Variants in MTAP observed in about 807,000 individuals in gnomAD.
The protein encoded by MTAP is methylthioadenosine phosphorylase, also known as S-methyl-5'-thioadenosine phosphorylase.
Under a neutral mutation model 33.6 loss-of-function variants are expected in MTAP, and 33 were observed. That is an observed-to-expected ratio of 0.98 (90% CI 0.74 to 1.31). MTAP has a LOEUF of 1.31. MTAP is among the 40% of genes most tolerant of loss of function. The pLI is 0.00. For missense variants in MTAP, 367 were observed against 360.0 expected, an observed-to-expected ratio of 1.02 and a Z score of -0.16; for synonymous variants, 148 against 125.7, an observed-to-expected ratio of 1.18 and a Z score of -1.19.
intron 1 of MTAP, among the ~76,000 whole-genome samples, chr9:21,897,480 C>T (rs1818315717): frequency 6.6e-6 from 1 of 152,184 alleles, no homozygotes; most frequent in Non-Finnish European, 1.5e-5. Context: ...ATTTAGAAAA[C>T]CCCATTGTCT....
chr9:21,918,168 G>T (rs1046142222), intron 1 of MTAP, among the ~76,000 whole-genome samples: 1 of 131,858 alleles, frequency 7.6e-6, no homozygotes, highest in South Asian at 2.3e-4. Flanking sequence ...GGCTAAAACG[G>T]TGAAACCCCG....
At chr9:21,925,607 C>T (rs951563350) in intron 1 of MTAP, among the ~76,000 whole-genome samples, 8 of 152,156 alleles carry the variant, frequency 5.3e-5, no homozygotes, top group Non-Finnish European at 8.8e-5. Context: ...GACAAACTGC[C>T]GCAGTGGGAC....
intron 1 of MTAP, among the ~76,000 whole-genome samples, chr9:21,924,234 C>CT (rs1209627454): frequency 6.6e-6 from 1 of 152,062 alleles, no homozygotes; most frequent in Non-Finnish European, 1.5e-5. Flanking sequence ...CTTCTTTTTC[C>CT]TTTTTTTCTC....
chr9:21,883,818 A>C (rs1818057516), intron 1 of MTAP, among the ~76,000 whole-genome samples: 1 of 151,922 alleles, frequency 6.6e-6, no homozygotes, highest in African/African-American at 2.4e-5. Flanking sequence ...TGCAATAGGA[A>C]GCTGGGGATG....
chr9:21,907,568 CA>C (rs1027845288), intron 1 of MTAP, among the ~76,000 whole-genome samples: 7 of 151,612 alleles, frequency 4.6e-5, no homozygotes, highest in Admixed American at 1.3e-4. Context: ...AAAACAACAA[CA>C]AAAAAAATTA....
At chr9:21,803,023 CACACACACACA>C (rs2117853027) in intron 1 of MTAP, 15 of 1,060,560 alleles carry the variant, frequency 1.4e-5, no homozygotes, top group Non-Finnish European at 1.9e-5. Flanking sequence ...CACACACACA[CACACACACACA>C]CACCACCTTT....
chr9:21,939,705 AAAT>A (rs61336285), downstream of MTAP, among the ~76,000 whole-genome samples: 2 of 150,658 alleles, frequency 1.3e-5, no homozygotes, highest in African/African-American at 2.5e-5. Flanking sequence ...CTCTATGAAA[AAAT>A]AATAATAATA....
chr9:21,813,538 G>T (rs1587200152), intron 1 of MTAP, among the ~76,000 whole-genome samples: 1 of 152,162 alleles, frequency 6.6e-6, no homozygotes, highest in Non-Finnish European at 1.5e-5. Flanking sequence ...CTACAATGCT[G>T]GGCAAGTTCA....
At chr9:21,840,475 G>A (rs1587235149) in intron 5 of MTAP, among the ~76,000 whole-genome samples, 1 of 152,338 alleles carries the variant, frequency 6.6e-6, no homozygotes, top group East Asian at 1.9e-4. Context: ...CCCCACTGGG[G>A]AAATCTAAAA....
chr9:21,930,817 T>A (rs1587305866), intron 1 of MTAP: 1 of 695,950 alleles, frequency 1.4e-6, no homozygotes, highest in Admixed American at 2.4e-5. Flanking sequence ...ATCAGACAAC[T>A]CCTAAATCGA....
chr9:21,848,009 C>T (rs1825423266), intron 5 of MTAP, among the ~76,000 whole-genome samples: 1 of 152,124 alleles, frequency 6.6e-6, no homozygotes, highest in African/African-American at 2.4e-5. Context: ...TCTGATGAAC[C>T]TTATTTACCA....
At position 21,815,490 on chromosome 9, in the gene MTAP, G is replaced by A. The variant is rs1237794575; in HGVS notation, c.91G>A (p.Glu31Lys). The A allele has an allele frequency of 3.7e-6, 6 of 1,610,390 alleles. No individual in the cohort carries two copies. In the Admixed American group the frequency reaches 5.0e-5, roughly 13 times the overall value. The change falls in exon 2 of 8, where the codon GAA becomes AAA. Residue 31 changes from glutamate (E) to lysine (K), a missense_variant. Physicochemically the swap from Glu to Lys is moderately conservative, Grantham distance 56. Transcript: ENST00000644715. ...DDPEILEGRT[E>K]KYVDTPFGKP... ...TCCAGAAATTTTAGAAGGAAGAACTGAAAAATATGTGGATACTCCATTTGG... is the reference window on the plus strand; with the variant it reads ...TCCAGAAATTTTAGAAGGAAGAACTAAAAAATATGTGGATACTCCATTTGG...
rs1587258993 is a variant in MTAP at position 21,863,403 on chromosome 9, C to T, written c.*1389C>T. 3.9e-6 allele frequency: 3 copies of T among 764,196 alleles called. No individual in the cohort carries two copies. The highest frequency in any genetic ancestry group is 1.9e-5 in the African/African-American group (1 of 52,758). 47.3% of individuals were successfully genotyped at this position (764,196 alleles called of 1,614,324 possible). A position where few individuals can be genotyped will look rare whatever the true frequency, so the allele number is the denominator to read the frequency against. ...CGGGTGGATCACAAGGTCAGGAGATCGAGACCATCCTGGCTAATGCGTTGA... is the reference window on the plus strand; with the variant it reads ...CGGGTGGATCACAAGGTCAGGAGATTGAGACCATCCTGGCTAATGCGTTGA... On this transcript the variant is annotated 3_prime_UTR_variant, in exon 8 of 8. Transcript: ENST00000644715.
At chr9:21,899,400 AGAAGGGGAAGGG>A (rs376794251) in intron 1 of MTAP, among the ~76,000 whole-genome samples, 1 of 143,698 alleles carries the variant, frequency 7.0e-6, no homozygotes, top group Non-Finnish European at 1.5e-5. Flanking sequence ...GGAAGGAAGG[AGAAGGGGAAGGG>A]GAAGGGGAAG....
intron 4 of MTAP, among the ~76,000 whole-genome samples, chr9:21,822,778 G>A (rs1162777519): frequency 2.0e-5 from 3 of 152,122 alleles, no homozygotes; most frequent in African/African-American, 4.8e-5. Flanking sequence ...TCTCTTTGTA[G>A]ATCTCTAAGG....
intron 4 of MTAP, 114 bp downstream of exon 4, chr9:21,818,316 GCT>G: frequency 1.0e-4 from 24 of 235,086 alleles, no homozygotes; most frequent in East Asian, 3.0e-4. Context: ...AGACTCGCTT[GCT>G]TTTTTTTTTT....
chr9:21,847,488 A>T (rs1299677453), intron 5 of MTAP, among the ~76,000 whole-genome samples: 1 of 152,190 alleles, frequency 6.6e-6, no homozygotes, highest in East Asian at 1.9e-4. Flanking sequence ...CCTTGACTTG[A>T]ACTGTTTAGA....
chr9:21,865,743 C>A lies in MTAP; in HGVS notation c.*3729C>A. 1 of 1,039,984 alleles carries A rather than the reference C, an allele frequency of 9.6e-7. No individual in the cohort carries two copies. Among genetic ancestry groups the A allele is most frequent in the Non-Finnish European group, 1.2e-6 (1 of 858,104 alleles). 64.4% of individuals were successfully genotyped at this position (1,039,984 alleles called of 1,614,324 possible). A position where few individuals can be genotyped will look rare whatever the true frequency, so the allele number is the denominator to read the frequency against. ...CTATGCCTTTGAGAACCTCGGGATC[C>A]CAAAGAATGAGGGGAATTTCTTCAG... On this transcript the variant is annotated 3_prime_UTR_variant, in exon 8 of 8. Transcript: ENST00000644715.
At chr9:21,902,758 C>G (rs919773119) in intron 1 of MTAP, among the ~76,000 whole-genome samples, 25 of 152,218 alleles carry the variant, frequency 1.6e-4, no homozygotes, top group African/African-American at 6.0e-4. Context: ...CTTGGATCTA[C>G]CAGAACAGAA....
Sources: allele counts gnomAD v4.1 joint callset (sites outside exome capture counted in the v4.1 genomes callset), GRCh38; gene constraint gnomAD v4.1.1; transcripts MANE v1.5; gene names NCBI Gene and HGNC (gene_info 2026-07-23, HGNC 2026-07-21).